Variants in DNM3 observed in about 807,000 individuals in gnomAD.
DNM3 encodes dynamin 3, also known as dynamin-3.
DNM3 carries 47 observed loss-of-function variants against 101.6 expected under a neutral mutation model. The observed-to-expected ratio is 0.46, with a 90% CI of 0.37 to 0.59. The LOEUF is 0.59. Ranked by LOEUF, DNM3 falls within the 20% of genes least tolerant of loss-of-function variation. The pLI is 0.00. For missense variants in DNM3, 849 were observed against 1,085.7 expected (o/e 0.78, Z 3.06); for synonymous variants, 385 against 387.9 (o/e 0.99, Z 0.09).
chr1:172,312,371 C>A (rs1219928561), intron 16 of DNM3, among the ~76,000 whole-genome samples: 1 of 152,164 alleles, frequency 6.6e-6, no homozygotes, highest in Non-Finnish European at 1.5e-5. Flanking sequence ...GGAAAGAAAT[C>A]TCTATATAGA....
chr1:171,850,078 A>G (rs1276452840), intron 1 of DNM3, among the ~76,000 whole-genome samples: 1 of 152,190 alleles, frequency 6.6e-6, no homozygotes, highest in Non-Finnish European at 1.5e-5. Flanking sequence ...GGGAAAAACA[A>G]TTGAGGAAGT....
intron 1 of DNM3, among the ~76,000 whole-genome samples, chr1:171,871,107 G>T: frequency 6.6e-6 from 1 of 152,254 alleles, no homozygotes; most frequent in South Asian, 2.1e-4. Context: ...AATGGACATC[G>T]TCAGAAATAT....
intron 3 of DNM3, 41 bp from the exon 4 acceptor site, chr1:171,988,904 A>G (rs1474248675): frequency 4.0e-6 from 6 of 1,498,504 alleles, no homozygotes; most frequent in South Asian, 1.3e-5. Context: ...ATCTTTTAGC[A>G]TTGAAGGTGT....
chr1:171,841,677 G>T lies in DNM3; in HGVS notation c.21G>T (p.Glu7Asp). 6.2e-7 allele frequency: 1 copy of T among 1,611,670 alleles called. No homozygotes were observed. The highest frequency in any genetic ancestry group is 8.5e-7 in the Non-Finnish European group (1 of 1,179,202). Residue 7 changes from glutamate (E) to aspartate (D), a missense_variant, in exon 1 of 21, where the codon GAG (glutamate) becomes GAT (aspartate). By Grantham distance (45) the Glu-to-Asp change is conservative. Coordinates refer to ENST00000627582, the MANE Select transcript of DNM3 (RefSeq NM_015569.5). ...GCAAGATGGGGAACCGGGAGATGGAGGAGCTGATCCCGCTGGTGAACCGTC... is the reference window on the plus strand; with the variant it reads ...GCAAGATGGGGAACCGGGAGATGGATGAGCTGATCCCGCTGGTGAACCGTC... Reference protein sequence around the residue: MGNREMEELIPLVNRLQ... With the variant: MGNREMDELIPLVNRLQ...
chr1:172,048,418 G>A (rs776487671), intron 9 of DNM3, among the ~76,000 whole-genome samples, 194 bp from the exon 10 acceptor site: 31 of 152,168 alleles, frequency 2.0e-4, no homozygotes, highest in Admixed American at 3.9e-4. Flanking sequence ...AGCAAGTTAA[G>A]ACAAATTACA....
chr1:171,853,160 T>A (rs1286506848), intron 1 of DNM3, among the ~76,000 whole-genome samples: 2 of 151,950 alleles, frequency 1.3e-5, no homozygotes, highest in East Asian at 1.9e-4. Context: ...AGAGGTAAAC[T>A]GTATTTATTC....
intron 4 of DNM3, among the ~76,000 whole-genome samples, chr1:171,995,525 G>A (rs2045942425): frequency 6.6e-6 from 1 of 151,780 alleles, no homozygotes; most frequent in Non-Finnish European, 1.5e-5. Context: ...CTTTCTTACT[G>A]CCTTTATGGA....
chr1:172,323,383 C>T (rs552515544), intron 17 of DNM3, 43 bp downstream of exon 17: 2 of 1,594,180 alleles, frequency 1.3e-6, no homozygotes, highest in African/African-American at 1.3e-5. Flanking sequence ...CCCCCCAGCC[C>T]CTGCTCCGCT....
intron 4 of DNM3, among the ~76,000 whole-genome samples, chr1:171,991,728 C>CTTT (rs2045642847): frequency 1.3e-5 from 2 of 152,208 alleles, no homozygotes; most frequent in Non-Finnish European, 2.9e-5. Flanking sequence ...AGTGACCAGT[C>CTTT]CACTTGCTGA....
At chr1:171,950,965 C>T (rs1435170022) in intron 2 of DNM3, among the ~76,000 whole-genome samples, 1 of 152,160 alleles carries the variant, frequency 6.6e-6, no homozygotes, top group Non-Finnish European at 1.5e-5. Context: ...CCTCCTCTTC[C>T]TCCTCCATTT....
chr1:171,851,338 C>A (rs1183840738), intron 1 of DNM3, among the ~76,000 whole-genome samples: 1 of 152,188 alleles, frequency 6.6e-6, no homozygotes, highest in Non-Finnish European at 1.5e-5. Context: ...TCTGTACAAG[C>A]CATTTATCTA....
chr1:172,185,160 T>C (rs745966320), intron 14 of DNM3, among the ~76,000 whole-genome samples: 11 of 152,082 alleles, frequency 7.2e-5, no homozygotes, highest in Non-Finnish European at 1.3e-4. Context: ...AAAGCTAAGA[T>C]GGAATTGAGG....
Position 172,387,014 on chromosome 1 carries a change from G to T in DNM3, c.2059-119G>T, listed in dbSNP as rs1001322461. The T allele has an allele frequency of 4.5e-5, 34 of 748,086 alleles. No individual in the cohort carries two copies. The African/African-American group carries it at 5.6e-4, about 12-fold the overall frequency. 46.3% of individuals were successfully genotyped at this position (748,086 alleles called of 1,614,324 possible). On this transcript the variant is annotated intron_variant, in intron 18 of 20. Coordinates refer to ENST00000627582, the MANE Select transcript of DNM3 (RefSeq NM_015569.5). The stretch of plus-strand genomic sequence containing the variant: ...ACGCTTGGTGCTTCACTTTTCCCAG[G>T]GTGGACTTTGGTGGACTTTGGTGGA...
chr1:171,962,720 A>G (rs2043300020), intron 2 of DNM3, among the ~76,000 whole-genome samples: 1 of 152,120 alleles, frequency 6.6e-6, no homozygotes, highest in Non-Finnish European at 1.5e-5. Context: ...TACCTCCCCA[A>G]GTCCCCTCCT....
intron 17 of DNM3, chr1:172,376,235 G>A (rs1461804443): frequency 1.3e-5 from 2 of 151,990 alleles, no homozygotes; most frequent in Non-Finnish European, 2.9e-5. Context: ...AAACAAGCTG[G>A]TTTCTACAAT....
At chr1:172,109,038 A>T (rs1018070581) in intron 13 of DNM3, among the ~76,000 whole-genome samples, 8 of 152,278 alleles carry the variant, frequency 5.3e-5, no homozygotes, top group Non-Finnish European at 8.8e-5. Flanking sequence ...CTATAATATG[A>T]ATTCTTTATG....
intron 4 of DNM3, among the ~76,000 whole-genome samples, chr1:172,000,616 C>T (rs150020656): frequency 1.1e-4 from 17 of 152,214 alleles, no homozygotes; most frequent in Non-Finnish European, 1.8e-4. Context: ...ACCTTGAACT[C>T]GGTCCAAATC....
At chr1:172,068,459 A>G (rs2051879323) in intron 10 of DNM3, among the ~76,000 whole-genome samples, 1 of 152,226 alleles carries the variant, frequency 6.6e-6, no homozygotes, top group Non-Finnish European at 1.5e-5. Context: ...GACACTATAT[A>G]AAATGTTAGT....
At chr1:171,921,876 C>A in intron 2 of DNM3, 55 bp downstream of exon 2, 1 of 1,493,702 alleles carries the variant, frequency 6.7e-7, no homozygotes, top group Non-Finnish European at 9.2e-7. Context: ...GCCCCTTTTG[C>A]CTTCATAGGT....
Sources: allele counts gnomAD v4.1 joint callset (sites outside exome capture counted in the v4.1 genomes callset), GRCh38; gene constraint gnomAD v4.1.1; transcripts MANE v1.5; gene names NCBI Gene and HGNC (gene_info 2026-07-23, HGNC 2026-07-21).